Variants in COL18A1 observed in about 807,000 individuals in gnomAD.
COL18A1 encodes the protein collagen type XVIII alpha 1 chain, also known as collagen alpha-1(XVIII) chain.
In COL18A1, 133 loss-of-function variants were observed where a neutral mutation model predicts 168.0. That is an observed-to-expected ratio of 0.79 (90% CI 0.69 to 0.91). COL18A1 has a LOEUF of 0.91. Among genes scored for constraint, COL18A1 ranks in the 40% least tolerant of loss-of-function variants. The probability of loss-of-function intolerance (pLI) is 0.00; values close to 1 mark genes in which losing one functional copy is unlikely to be tolerated. For synonymous variants in COL18A1, 949 were observed against 809.0 expected (o/e 1.17, Z -2.94); for missense variants, 2,126 against 1,925.4 (o/e 1.10, Z -1.95).
At chr21:45,418,099 C>T (rs1401244311) in intron 2 of COL18A1, among the ~76,000 whole-genome samples, 2 of 152,232 alleles carry the variant, frequency 1.3e-5, no homozygotes, top group Admixed American at 6.5e-5. Context: ...TGGGGCTGGA[C>T]GGCCAGGGCC....
intron 2 of COL18A1, chr21:45,420,889 A>G (rs562790272): frequency 5.8e-5 from 9 of 154,568 alleles, no homozygotes; most frequent in East Asian, 1.9e-4. Flanking sequence ...GGATGGCCCA[A>G]CCTCATTGGA....
At chr21:45,481,018 C>T (rs979107390) in intron 13 of COL18A1, among the ~76,000 whole-genome samples, 160 bp downstream of exon 13, 4 of 152,200 alleles carry the variant, frequency 2.6e-5, no homozygotes, top group African/African-American at 4.8e-5. Flanking sequence ...GACTCGGGGC[C>T]ACCCTGGGGT....
chr21:45,475,500 C>T lies in COL18A1; in HGVS notation c.763C>T (p.Leu255Phe). The change falls in exon 5 of 42, where the codon CTC becomes TTC. Residue 255 changes from leucine to phenylalanine, a missense_variant. By Grantham distance (22) the Leu-to-Phe change is conservative. Coordinates refer to ENST00000651438, the MANE Select transcript of COL18A1 (RefSeq NM_001379500.1). ...DGASGDSGSG[L>F]GDARELLREE... is the part of the protein sequence containing the mutation. ...GGCATCCGGAGACTCTGGCAGCGGG[C>T]TCGGGGACGCCCGGGAGCTTCTCAG... 1.2e-6 allele frequency: 2 copies of T among 1,606,706 alleles called. No individual in the cohort carries two copies. Among genetic ancestry groups the T allele is most frequent in the Non-Finnish European group, 1.7e-6 (2 of 1,178,180 alleles).
At chr21:45,431,362 G>T (rs1416181248) in intron 2 of COL18A1, among the ~76,000 whole-genome samples, 1 of 150,658 alleles carries the variant, frequency 6.6e-6, no homozygotes, top group African/African-American at 2.5e-5. Context: ...CCCAGGGGAG[G>T]GGGGCAGGCA....
intron 32 of COL18A1, among the ~76,000 whole-genome samples, chr21:45,500,533 A>G (rs1356506529): frequency 8.8e-4 from 20 of 22,604 alleles, no homozygotes; most frequent in South Asian, 1.5e-3. Context: ...TTGGGTGTGT[A>G]GGGTGTGGTT....
At chr21:45,419,531 C>A (rs1477350771) in intron 2 of COL18A1, among the ~76,000 whole-genome samples, 1 of 152,098 alleles carries the variant, frequency 6.6e-6, no homozygotes, top group Non-Finnish European at 1.5e-5. Context: ...GGGAGCTGGG[C>A]TGCAAAGTGG....
chr21:45,509,622 G>A lies in COL18A1; in HGVS notation c.3495+21G>A, dbSNP rs1263314280. On this transcript the variant is annotated intron_variant, in intron 39 of 41. Transcript: ENST00000651438. Reference sequence around the variant, plus strand: ...CGGTGGTGAGTGCCCCCCCAAAGTGGGCTTGGCTCCATCTAGCCCCTCGGC... The same window carrying A: ...CGGTGGTGAGTGCCCCCCCAAAGTGAGCTTGGCTCCATCTAGCCCCTCGGC... 3.0e-6 allele frequency: 4 copies of A among 1,339,652 alleles called. No individual in the cohort carries two copies. The East Asian group carries it at 1.0e-4, about 33-fold the overall frequency. The allele number at this position is 1,339,652 out of a possible 1,614,324, so 83.0% of individuals were successfully genotyped here.
intron 2 of COL18A1, among the ~76,000 whole-genome samples, chr21:45,450,053 C>A (rs1176161593): frequency 1.3e-5 from 2 of 152,240 alleles, no homozygotes; most frequent in Non-Finnish European, 2.9e-5. Context: ...GCATCCAAAC[C>A]TTGACTGGCT....
chr21:45,422,631 T>C (rs1432020406), intron 2 of COL18A1: 1 of 373,344 alleles, frequency 2.7e-6, no homozygotes, highest in East Asian at 8.1e-5. Flanking sequence ...CAGCCGTCGG[T>C]TGGTGAAAAA....
At chr21:45,470,612 A>C (rs1254488121) in intron 3 of COL18A1, among the ~76,000 whole-genome samples, 2 of 149,024 alleles carry the variant, frequency 1.3e-5, no homozygotes, top group Non-Finnish European at 3.0e-5. Flanking sequence ...TCAGCCTCCC[A>C]AGTAGCTGGG....
In COL18A1 at chr21:45,438,821, C is replaced by T. The variant is rs534435781; in HGVS notation, c.107-29421C>T. The stretch of plus-strand genomic sequence containing the variant: ...ACGTTAGCAGGTCTGTCTGTGCAGC[C>T]GGAAGGAAGAAAGTGAAGTTAGATG... On this transcript the variant is annotated intron_variant, in intron 2 of 41. Coordinates refer to ENST00000651438, the MANE Select transcript of COL18A1 (RefSeq NM_001379500.1). Among the ~76,000 whole-genome samples the T allele has an allele frequency of 5.9e-5, 9 of 152,316 alleles. No individual in the cohort carries two copies. The South Asian group carries it at 1.0e-3, about 18-fold the overall frequency.
At chr21:45,485,317 TA>T (rs139917448) in intron 15 of COL18A1, among the ~76,000 whole-genome samples, 1,844 of 151,484 alleles carry the variant, frequency 0.012, 37 homozygotes, top group African/African-American at 0.042. Context: ...AACTTTTTTA[TA>T]GGCACTTTTT....
At chr21:45,489,930 GACT>G (rs2036247216) in intron 19 of COL18A1, among the ~76,000 whole-genome samples, 1 of 62,444 alleles carries the variant, frequency 1.6e-5, no homozygotes, top group Non-Finnish European at 2.9e-5. Flanking sequence ...CCTCCTCCCC[GACT>G]TCCCCCTCCC....
At chr21:45,493,052 G>C in intron 24 of COL18A1, 111 bp from the exon 25 acceptor site, 1 of 1,141,416 alleles carries the variant, frequency 8.8e-7, no homozygotes, top group Non-Finnish European at 1.3e-6. Flanking sequence ...CCCTGGTCGG[G>C]CTGTCGAGGC....
chr21:45,464,755 A>C (rs1477335200), intron 2 of COL18A1, among the ~76,000 whole-genome samples: 1 of 152,134 alleles, frequency 6.6e-6, no homozygotes, highest in Non-Finnish European at 1.5e-5. Context: ...GTGTTGGACA[A>C]GTCCTCATGG....
chr21:45,502,252 G>A (rs1210349015), intron 32 of COL18A1, among the ~76,000 whole-genome samples: 1 of 152,360 alleles, frequency 6.6e-6, no homozygotes, highest in East Asian at 1.9e-4. Context: ...CTGGGTTACA[G>A]GGCATGCCTC....
intron 2 of COL18A1, chr21:45,455,795 G>A (rs758958927): frequency 5.6e-6 from 9 of 1,613,632 alleles, no homozygotes; most frequent in East Asian, 2.2e-5. Context: ...GCTGCTGGAA[G>A]ATGGCCAGGA....
intron 29 of COL18A1, chr21:45,495,677 C>T (rs2036507820): frequency 7.9e-6 from 4 of 504,266 alleles, no homozygotes; most frequent in Admixed American, 6.1e-5. Flanking sequence ...TATACACATG[C>T]ATCTATGCAC....
At chr21:45,503,463 A>G (rs1337879548) in intron 32 of COL18A1, among the ~76,000 whole-genome samples, 2 of 151,972 alleles carry the variant, frequency 1.3e-5, no homozygotes, top group Non-Finnish European at 2.9e-5. Context: ...GCCATAAAAA[A>G]TGATGAGTTC....
Sources: allele counts gnomAD v4.1 joint callset (sites outside exome capture counted in the v4.1 genomes callset), GRCh38; gene constraint gnomAD v4.1.1; transcripts MANE v1.5; gene names NCBI Gene and HGNC (gene_info 2026-07-23, HGNC 2026-07-21).